The following UTRN variants were observed in gnomAD, a reference collection of about 807,000 sequenced individuals.
The protein encoded by UTRN is utrophin.
UTRN carries 283 observed loss-of-function variants against 463.9 expected under a neutral mutation model. The observed-to-expected ratio is 0.61, with a 90% confidence interval of 0.55 to 0.67. The LOEUF (loss-of-function observed/expected upper bound fraction) is 0.67. Among genes scored for constraint, UTRN ranks in the 30% least tolerant of loss-of-function variants. The probability of loss-of-function intolerance (pLI) is 0.00; values close to 1 mark genes in which losing one functional copy is unlikely to be tolerated. For synonymous variants in UTRN, 1,442 were observed against 1,431.5 expected, an observed-to-expected ratio of 1.01 and a Z score of -0.17; for missense variants, 3,922 against 4,084.3, an observed-to-expected ratio of 0.96 and a Z score of 1.08.
intron 57 of UTRN, among the ~76,000 whole-genome samples, chr6:144,757,259 C>A (rs924521555): frequency 2.4e-5 from 3 of 122,744 alleles, no homozygotes; most frequent in Admixed American, 9.3e-5. Flanking sequence ...AAAAAAAGTA[C>A]CTCAATTTAA....
intron 73 of UTRN, among the ~76,000 whole-genome samples, chr6:144,842,833 C>T (rs1781704647): frequency 6.6e-6 from 1 of 151,356 alleles, no homozygotes; most frequent in Non-Finnish European, 1.5e-5. Flanking sequence ...CCCCAAAGCA[C>T]ATGCATGCAT....
At chr6:144,676,302 G>A (rs61631610) in intron 51 of UTRN, among the ~76,000 whole-genome samples, 2,288 of 151,944 alleles carry the variant, frequency 0.015, 46 homozygotes, top group African/African-American at 0.051. Flanking sequence ...TATGTTTTTC[G>A]TGCTTATTCC....
chr6:144,422,592 T>C (rs565411360), intron 4 of UTRN, among the ~76,000 whole-genome samples: 1 of 151,796 alleles, frequency 6.6e-6, no homozygotes, highest in East Asian at 1.9e-4. Flanking sequence ...CACTCCAGCC[T>C]GGGCAACAGA....
chr6:144,831,796 G>C (rs1780695763), intron 69 of UTRN, among the ~76,000 whole-genome samples: 1 of 152,196 alleles, frequency 6.6e-6, no homozygotes, highest in East Asian at 1.9e-4. Context: ...TCTGCCATCT[G>C]CCCTTGGGTG....
At chr6:144,758,307 TAAA>T in intron 58 of UTRN, 18 of 157,476 alleles carry the variant, frequency 1.1e-4, no homozygotes, top group East Asian at 5.2e-4. Flanking sequence ...CTCTAAAAAG[TAAA>T]AAAAAAAAAA....
At chr6:144,344,486 A>C (rs973952914) in intron 2 of UTRN, among the ~76,000 whole-genome samples, 6 of 152,204 alleles carry the variant, frequency 3.9e-5, no homozygotes, top group Non-Finnish European at 7.4e-5. Context: ...AGTAGAGACC[A>C]ACGCTGTCTG....
intron 51 of UTRN, among the ~76,000 whole-genome samples, chr6:144,598,132 G>C (rs1803846852): frequency 6.6e-6 from 1 of 152,204 alleles, no homozygotes; most frequent in Admixed American, 6.5e-5. Flanking sequence ...CCAAATATGA[G>C]TGACCATGGC....
chr6:144,589,715 A>G (rs918904422), intron 51 of UTRN, among the ~76,000 whole-genome samples: 2 of 152,196 alleles, frequency 1.3e-5, no homozygotes, highest in African/African-American at 4.8e-5. Context: ...CATGAGCTGG[A>G]GCATGAGAAC....
At chr6:144,587,944 A>T (rs1802627834) in intron 51 of UTRN, among the ~76,000 whole-genome samples, 2 of 152,166 alleles carry the variant, frequency 1.3e-5, no homozygotes, top group Non-Finnish European at 2.9e-5. Context: ...TGGTTAGATT[A>T]GTACAGAAAC....
At chr6:144,609,463 G>T (rs1805238525) in intron 51 of UTRN, among the ~76,000 whole-genome samples, 1 of 152,148 alleles carries the variant, frequency 6.6e-6, no homozygotes, top group African/African-American at 2.4e-5. Flanking sequence ...GACCTGAAGG[G>T]ATACGTAGAC....
At chr6:144,755,856 C>G (rs1284796447) in intron 57 of UTRN, among the ~76,000 whole-genome samples, 1 of 152,058 alleles carries the variant, frequency 6.6e-6, no homozygotes, top group Non-Finnish European at 1.5e-5. Flanking sequence ...TTTTGTCACT[C>G]TTGATAAACT....
intron 65 of UTRN, among the ~76,000 whole-genome samples, chr6:144,804,525 G>T (rs1467796558): frequency 6.6e-6 from 1 of 152,150 alleles, no homozygotes; most frequent in Non-Finnish European, 1.5e-5. Context: ...ATTTCTGTTT[G>T]TACAGAGGTG....
intron 23 of UTRN, among the ~76,000 whole-genome samples, chr6:144,467,771 A>T (rs533102166): frequency 2.0e-5 from 3 of 152,262 alleles, no homozygotes; most frequent in Admixed American, 1.3e-4. Flanking sequence ...TTATCTCATA[A>T]GGGTTTGAGT....
intron 51 of UTRN, among the ~76,000 whole-genome samples, chr6:144,582,285 C>A (rs1802039404): frequency 6.6e-6 from 1 of 152,066 alleles, no homozygotes; most frequent in Non-Finnish European, 1.5e-5. Context: ...CAGCATTAGC[C>A]CGGTTACCAG....
intron 51 of UTRN, among the ~76,000 whole-genome samples, chr6:144,626,454 C>T (rs1409298856): frequency 1.3e-5 from 2 of 152,188 alleles, no homozygotes; most frequent in Non-Finnish European, 2.9e-5. Context: ...ATCCGCTTTC[C>T]TCCCCGCCTT....
intron 13 of UTRN, among the ~76,000 whole-genome samples, chr6:144,440,858 A>AGG (rs1023675830): frequency 6.6e-6 from 1 of 152,214 alleles, no homozygotes; most frequent in African/African-American, 2.4e-5. Context: ...TCATGGTGGA[A>AGG]GGGAAGGAGG....
At chr6:144,715,960 G>C (rs1300008988) in intron 53 of UTRN, among the ~76,000 whole-genome samples, 1 of 151,814 alleles carries the variant, frequency 6.6e-6, no homozygotes, top group Non-Finnish European at 1.5e-5. Context: ...ACTTTAAATA[G>C]CCAAATGTTT....
chr6:144,550,513 C>T (rs1054543427), intron 47 of UTRN, among the ~76,000 whole-genome samples: 1 of 152,100 alleles, frequency 6.6e-6, no homozygotes, highest in African/African-American at 2.4e-5. Flanking sequence ...ATAGTTATTC[C>T]TCTTAGCACT....
rs899938742 is a variant in UTRN, at chr6:144,465,315, A to G, written c.3066+2449A>G. On this transcript the variant is annotated intron_variant, in intron 23 of 74. Coordinates refer to ENST00000367545, the MANE Select transcript of UTRN (RefSeq NM_007124.3). ...GCTTAAAGAGAATAAATATTCTCCC[A>G]AAATACAAAAGAGTCCTGTGGTTAT... 9.2e-5 allele frequency among the ~76,000 whole-genome samples: 14 copies of G among 152,232 alleles called. No individual in the cohort carries two copies. The East Asian group carries it at 9.6e-4, about 10-fold the overall frequency.
Sources: gnomAD v4.1 joint callset for allele counts (sites outside exome capture counted in the v4.1 genomes callset) on GRCh38, gnomAD v4.1.1 for gene constraint, MANE v1.5 for transcripts, NCBI Gene and HGNC (gene_info 2026-07-23, HGNC 2026-07-21) for gene names.